RBM47: variants seen among roughly 807,000 people sequenced by gnomAD.
The protein encoded by RBM47 is RNA binding motif protein 47, also known as RNA-binding protein 47.
In RBM47, 21 loss-of-function variants were observed where a neutral mutation model predicts 47.1. The ratio of observed to expected loss-of-function variants is 0.45; its 90% CI spans 0.32 to 0.64. RBM47 has a LOEUF of 0.64. Ranked by LOEUF, RBM47 falls within the 30% of genes least tolerant of loss-of-function variation. RBM47 has a pLI of 0.05. For missense variants in RBM47, 708 were observed against 870.9 expected, an observed-to-expected ratio of 0.81 and a Z score of 2.35; for synonymous variants, 375 against 361.7, an observed-to-expected ratio of 1.04 and a Z score of -0.42.
intron 1 of RBM47, among the ~76,000 whole-genome samples, chr4:40,605,016 T>TTTG (rs746777655): frequency 6.7e-6 from 1 of 149,846 alleles, no homozygotes; most frequent in African/African-American, 2.5e-5. Context: ...CACCTGGTCT[T>TTTG]TTGTTGTTGT....
intron 2 of RBM47, among the ~76,000 whole-genome samples, chr4:40,480,351 T>C (rs1023632747): frequency 1.3e-5 from 2 of 152,104 alleles, no homozygotes; most frequent in Non-Finnish European, 2.9e-5. Flanking sequence ...AAATAAGTAG[T>C]GGAGTGAGGA....
At chr4:40,554,126 G>A (rs1266142325) in intron 1 of RBM47, among the ~76,000 whole-genome samples, 1 of 152,174 alleles carries the variant, frequency 6.6e-6, no homozygotes, top group Non-Finnish European at 1.5e-5. Context: ...AATGCACTCA[G>A]TGGGATTGCG....
At chr4:40,458,706 A>G (rs1260800197) in intron 3 of RBM47, among the ~76,000 whole-genome samples, 1 of 152,098 alleles carries the variant, frequency 6.6e-6, no homozygotes, top group Non-Finnish European at 1.5e-5. Context: ...CTTTTTATTC[A>G]TTGCATTGTT....
chr4:40,474,855 G>A lies in RBM47; in HGVS notation c.-154-8156C>T, dbSNP rs557063972. On this transcript the variant is annotated intron_variant, in intron 2 of 6. Coordinates refer to ENST00000295971, the MANE Select transcript of RBM47 (RefSeq NM_001098634.2). The stretch of plus-strand genomic sequence containing the variant: ...TATGCATTTCTCACATATACATTTT[G>A]TTGCAACATTGATTCATCATAATGA... 2.5e-3 allele frequency among the ~76,000 whole-genome samples: 378 copies of A among 152,260 alleles called. 3 individuals carry two copies. The highest frequency in any genetic ancestry group is 7.0e-3 in the South Asian group (34 of 4,824).
At chr4:40,450,265 A>T (rs891695481) in intron 3 of RBM47, among the ~76,000 whole-genome samples, 6 of 152,160 alleles carry the variant, frequency 3.9e-5, no homozygotes, top group Non-Finnish European at 8.8e-5. Context: ...ATCATTTAAC[A>T]CTAGCTTGAA....
At chr4:40,580,989 C>A (rs1050302901) in intron 1 of RBM47, among the ~76,000 whole-genome samples, 3 of 152,200 alleles carry the variant, frequency 2.0e-5, no homozygotes, top group Non-Finnish European at 4.4e-5. Flanking sequence ...TTTGTTTTCG[C>A]TTTAATTCCA....
chr4:40,572,873 C>T (rs201888873), intron 1 of RBM47, among the ~76,000 whole-genome samples: 1 of 151,682 alleles, frequency 6.6e-6, no homozygotes. Flanking sequence ...AGAAGTGGGC[C>T]GGATGCGGTA....
chr4:40,531,218 G>A (rs926564267), intron 2 of RBM47, among the ~76,000 whole-genome samples: 20 of 152,088 alleles, frequency 1.3e-4, no homozygotes, highest in African/African-American at 4.8e-4. Flanking sequence ...AGGTGACCTG[G>A]AGAAGGAAGG....
chr4:40,555,923 C>T (rs902808613), intron 1 of RBM47, among the ~76,000 whole-genome samples: 16 of 152,242 alleles, frequency 1.1e-4, no homozygotes, highest in South Asian at 2.1e-4. Context: ...TGGCCACTTT[C>T]GGGAAAATGG....
chr4:40,512,956 A>C (rs1414904481), intron 2 of RBM47, among the ~76,000 whole-genome samples: 4 of 152,206 alleles, frequency 2.6e-5, no homozygotes, highest in Non-Finnish European at 5.9e-5. Flanking sequence ...TCCACTTGTC[A>C]AAAGTTACAT....
intron 2 of RBM47, among the ~76,000 whole-genome samples, chr4:40,472,310 C>T (rs558807035): frequency 6.6e-6 from 1 of 152,242 alleles, no homozygotes; most frequent in South Asian, 2.1e-4. Context: ...TGCGGTGGCT[C>T]ATGCCTGTAA....
intron 2 of RBM47, among the ~76,000 whole-genome samples, chr4:40,498,060 A>ATATATG (rs1165204851): frequency 2.2e-5 from 3 of 134,778 alleles, no homozygotes; most frequent in Non-Finnish European, 4.8e-5. Context: ...TGTTTTATAT[A>ATATATG]TATATATATA....
chr4:40,558,113 A>G (rs1410527304), intron 1 of RBM47, among the ~76,000 whole-genome samples: 3 of 152,126 alleles, frequency 2.0e-5, no homozygotes, highest in Admixed American at 6.6e-5. Flanking sequence ...TGTGCTCAAA[A>G]CAGATATTAT....
At chr4:40,518,005 C>A (rs1221742209) in intron 2 of RBM47, among the ~76,000 whole-genome samples, 2 of 151,968 alleles carry the variant, frequency 1.3e-5, no homozygotes, top group Non-Finnish European at 2.9e-5. Flanking sequence ...AAACAAATGC[C>A]AGAATTTGGG....
rs987509159 is a variant in RBM47 at position 40,436,644 on chromosome 4, C to A, written c.1127G>T (p.Gly376Val). ...ACCTCGCCCTCGGCCTCTTATGCTG[C>A]CTGCTTGTAATAACAACACAAAAGA... ...GPNRDYFVKAGSIRGRGRGAA... is the reference protein window; with the variant it reads ...GPNRDYFVKAVSIRGRGRGAA... Residue 376 changes from glycine to valine, a missense_variant, in exon 5 of 7, where the codon GGC becomes GTC. Gly to Val is a moderately radical substitution (Grantham distance 109, BLOSUM62 -3). Coordinates refer to ENST00000295971, the MANE Select transcript of RBM47 (RefSeq NM_001098634.2). 1 of 1,613,736 alleles carries A rather than the reference C, an allele frequency of 6.2e-7. No individual in the cohort carries two copies. The highest frequency in any genetic ancestry group is 8.5e-7 in the Non-Finnish European group (1 of 1,179,868).
Position 40,516,506 on chromosome 4 carries a change from C to T in RBM47, c.-155+27916G>A, listed in dbSNP as rs550550663. On this transcript the variant is annotated intron_variant, in intron 2 of 6. Transcript: ENST00000295971. ...AACTCCTGACTTCAGGTGATCCGCC[C>T]GCCTTGGCCTCCCAAAGTGCTGGGA... Among the ~76,000 whole-genome samples the T allele has an allele frequency of 3.9e-5, 6 of 152,066 alleles. No individual in the cohort carries two copies. The South Asian group carries it at 6.2e-4, about 16-fold the overall frequency.
chr4:40,440,423 T>G (rs1388574441), intron 3 of RBM47, among the ~76,000 whole-genome samples: 1 of 152,202 alleles, frequency 6.6e-6, no homozygotes, highest in Non-Finnish European at 1.5e-5. Context: ...TTTCATCAAT[T>G]AATTAGAACC....
Position 40,490,631 on chromosome 4 carries a change from C to T in RBM47, c.-154-23932G>A, listed in dbSNP as rs564210477. On this transcript the variant is annotated intron_variant, in intron 2 of 6. Transcript: ENST00000295971. ...ATCTATTAAAAATACAAAAATTAGC[C>T]GGGCGTGGTGGCGCCTGGCCGAGAC... is the stretch of plus-strand genomic sequence containing the variant. 7.7e-4 allele frequency among the ~76,000 whole-genome samples: 117 copies of T among 151,624 alleles called. 1 individual carries two copies. The highest frequency in any genetic ancestry group is 6.9e-3 in the Middle Eastern group (2 of 290).
chr4:40,600,166 T>C (rs1329195431), intron 1 of RBM47, among the ~76,000 whole-genome samples: 2 of 146,274 alleles, frequency 1.4e-5, no homozygotes, highest in Non-Finnish European at 3.0e-5. Flanking sequence ...AATACCTGGC[T>C]AATTTTTTTA....
Sources: gnomAD v4.1 joint callset for allele counts (sites outside exome capture counted in the v4.1 genomes callset) on GRCh38, gnomAD v4.1.1 for gene constraint, MANE v1.5 for transcripts, NCBI Gene and HGNC (gene_info 2026-07-23, HGNC 2026-07-21) for gene names.